The following KCNIP4 variants were observed in gnomAD, a reference collection of about 807,000 sequenced individuals.
The protein encoded by KCNIP4 is Kv channel-interacting protein 4.
In KCNIP4, 12 loss-of-function variants were observed where a neutral mutation model predicts 34.0. The ratio of observed to expected loss-of-function variants is 0.35; its 90% CI spans 0.23 to 0.57. The LOEUF (loss-of-function observed/expected upper bound fraction) is 0.57, where lower values mean the gene tolerates loss of function less well. KCNIP4 is among the 20% of genes least tolerant of loss of function. The pLI is 0.83. For missense variants in KCNIP4, 238 were observed against 311.7 expected, an observed-to-expected ratio of 0.76 and a Z score of 1.78; for synonymous variants, 124 against 102.2, an observed-to-expected ratio of 1.21 and a Z score of -1.29.
At chr4:21,720,984 G>A (rs959770048) in intron 1 of KCNIP4, among the ~76,000 whole-genome samples, 11 of 152,066 alleles carry the variant, frequency 7.2e-5, no homozygotes, top group Admixed American at 7.2e-4. Context: ...ACATACATGT[G>A]CATGTGTCTT....
chr4:20,954,468 G>A (rs1733094039), intron 1 of KCNIP4, among the ~76,000 whole-genome samples: 1 of 152,106 alleles, frequency 6.6e-6, no homozygotes, highest in African/African-American at 2.4e-5. Context: ...GTGTAGAGAT[G>A]ATTAAAATCA....
chr4:20,775,559 G>T (rs112001131), intron 3 of KCNIP4, among the ~76,000 whole-genome samples: 4 of 127,590 alleles, frequency 3.1e-5, no homozygotes, highest in African/African-American at 1.2e-4. Context: ...AAAAAAAAAA[G>T]TTAGCCAGGA....
chr4:21,646,194 C>A (rs1025228355), intron 1 of KCNIP4, among the ~76,000 whole-genome samples: 1 of 152,152 alleles, frequency 6.6e-6, no homozygotes, highest in African/African-American at 2.4e-5. Context: ...CTCCACTTGG[C>A]CTTATGCTGT....
chr4:21,096,421 A>T (rs962990803), intron 1 of KCNIP4, among the ~76,000 whole-genome samples: 2 of 152,206 alleles, frequency 1.3e-5, no homozygotes, highest in Non-Finnish European at 2.9e-5. Context: ...ATTTCTAAAC[A>T]TAACCTAATT....
intron 1 of KCNIP4, among the ~76,000 whole-genome samples, chr4:21,625,258 G>C (rs1412423528): frequency 6.6e-6 from 1 of 151,964 alleles, no homozygotes; most frequent in Non-Finnish European, 1.5e-5. Flanking sequence ...GATAACAATT[G>C]TATTTACCTC....
At chr4:21,289,888 C>A (rs891149438) in intron 1 of KCNIP4, among the ~76,000 whole-genome samples, 1 of 152,174 alleles carries the variant, frequency 6.6e-6, no homozygotes, top group East Asian at 1.9e-4. Flanking sequence ...TCACCCCACC[C>A]TTTCCCACAT....
intron 1 of KCNIP4, among the ~76,000 whole-genome samples, chr4:21,373,562 A>T (rs1720692341): frequency 6.8e-6 from 1 of 146,892 alleles, no homozygotes; most frequent in Non-Finnish European, 1.5e-5. Context: ...TTGTCATGTT[A>T]TTTGATATCA....
intron 1 of KCNIP4, among the ~76,000 whole-genome samples, chr4:21,016,570 C>T (rs1171943247): frequency 3.9e-5 from 6 of 152,162 alleles, no homozygotes; most frequent in African/African-American, 1.4e-4. Context: ...GCTGGGATTA[C>T]AGGCGTGAGA....
At chr4:21,265,892 A>T (rs1463184658) in intron 1 of KCNIP4, among the ~76,000 whole-genome samples, 1 of 152,258 alleles carries the variant, frequency 6.6e-6, no homozygotes, top group Non-Finnish European at 1.5e-5. Context: ...CAAAGTGTCT[A>T]TAAACAAGGT....
At chr4:21,744,277 C>A (rs562431290) in intron 1 of KCNIP4, among the ~76,000 whole-genome samples, 5 of 152,142 alleles carry the variant, frequency 3.3e-5, no homozygotes, top group Non-Finnish European at 7.4e-5. Context: ...CAAAACTTAG[C>A]AAAGTCACCC....
At chr4:20,784,485 A>G (rs1164679073) in intron 3 of KCNIP4, among the ~76,000 whole-genome samples, 1 of 152,206 alleles carries the variant, frequency 6.6e-6, no homozygotes, top group African/African-American at 2.4e-5. Flanking sequence ...TTGGACTAGC[A>G]CAGTAGCCAA....
rs1714299989 is a variant in KCNIP4 at position 21,320,820 on chromosome 4, A to C, written c.62-438111T>G. 2.0e-5 allele frequency among the ~76,000 whole-genome samples: 3 copies of C among 152,072 alleles called. No homozygotes were observed. The South Asian group carries it at 6.2e-4, about 32-fold the overall frequency. On this transcript the variant is annotated intron_variant, in intron 1 of 8. Coordinates refer to ENST00000382152, the MANE Select transcript of KCNIP4 (RefSeq NM_025221.6). ...GCCCCATCTCTACTAAAAAGACAAAAATTAGCTGGGCATGGTGGTACGTGC... is the reference window on the plus strand; with the variant it reads ...GCCCCATCTCTACTAAAAAGACAAACATTAGCTGGGCATGGTGGTACGTGC...
At chr4:21,822,397 C>G (rs563044598) in intron 1 of KCNIP4, among the ~76,000 whole-genome samples, 2 of 152,206 alleles carry the variant, frequency 1.3e-5, no homozygotes, top group East Asian at 3.9e-4. Context: ...AGTCTCAACC[C>G]AATAATCCAA....
intron 1 of KCNIP4, among the ~76,000 whole-genome samples, chr4:21,139,301 A>G (rs1751751478): frequency 6.6e-6 from 1 of 152,202 alleles, no homozygotes; most frequent in African/African-American, 2.4e-5. Flanking sequence ...ATAAGACAAA[A>G]ATAGAAACGT....
At chr4:21,898,893 C>T (rs978778106) in intron 1 of KCNIP4, among the ~76,000 whole-genome samples, 3 of 152,110 alleles carry the variant, frequency 2.0e-5, no homozygotes, top group African/African-American at 7.2e-5. Flanking sequence ...TCTGGACCTG[C>T]CCAGGGCCAG....
intron 1 of KCNIP4, among the ~76,000 whole-genome samples, chr4:21,114,522 A>G (rs1287218293): frequency 6.6e-6 from 1 of 152,140 alleles, no homozygotes; most frequent in African/African-American, 2.4e-5. Context: ...AAAGAATAAA[A>G]AAATAAAAAA....
intron 1 of KCNIP4, among the ~76,000 whole-genome samples, chr4:21,272,312 T>G (rs1762202011): frequency 6.6e-6 from 1 of 151,944 alleles, no homozygotes; most frequent in African/African-American, 2.4e-5. Flanking sequence ...ATATTAGAGT[T>G]GGCTATTATT....
At chr4:20,824,885 G>A (rs970846411) in intron 3 of KCNIP4, among the ~76,000 whole-genome samples, 1 of 151,860 alleles carries the variant, frequency 6.6e-6, no homozygotes, top group Non-Finnish European at 1.5e-5. Flanking sequence ...TGGTTTTGAA[G>A]AACTACTAAA....
At chr4:21,789,705 G>A (rs910807270) in intron 1 of KCNIP4, among the ~76,000 whole-genome samples, 2 of 152,118 alleles carry the variant, frequency 1.3e-5, no homozygotes, top group African/African-American at 4.8e-5. Flanking sequence ...ATAAACAAAA[G>A]ATTTAATTTC....
Sources: allele counts gnomAD v4.1 joint callset (sites outside exome capture counted in the v4.1 genomes callset), GRCh38; gene constraint gnomAD v4.1.1; transcripts MANE v1.5; gene names NCBI Gene and HGNC (gene_info 2026-07-23, HGNC 2026-07-21).